COL22A1: variants seen among roughly 807,000 people sequenced by gnomAD.
The protein encoded by COL22A1 is collagen alpha-1(XXII) chain.
A neutral mutation model predicts 248.9 loss-of-function variants in COL22A1; 221 were observed. That is an observed-to-expected ratio of 0.89 (90% CI 0.80 to 0.99). The LOEUF is 0.99. Among genes scored for constraint, COL22A1 ranks in the 50% least tolerant of loss-of-function variants. The pLI is 0.00. For synonymous variants in COL22A1, 891 were observed against 793.4 expected (o/e 1.12, Z -2.07); for missense variants, 2,240 against 2,179.0 (o/e 1.03, Z -0.56).
intron 47 of COL22A1, among the ~76,000 whole-genome samples, chr8:138,643,635 TAGATAGATAGATAGAC>T (rs1821918078): frequency 1.2e-5 from 1 of 81,604 alleles, no homozygotes; most frequent in African/African-American, 4.1e-5. Flanking sequence ...GATAGATAGA[TAGATAGATAGATAGAC>T]AGATAGATAG....
chr8:138,735,493 C>A (rs924652912), intron 23 of COL22A1, among the ~76,000 whole-genome samples: 1 of 152,164 alleles, frequency 6.6e-6, no homozygotes, highest in Non-Finnish European at 1.5e-5. Flanking sequence ...AGAACGAAAT[C>A]TCTTTTCCCA....
At chr8:138,792,945 C>T (rs887602777) in intron 12 of COL22A1, among the ~76,000 whole-genome samples, 20 of 152,180 alleles carry the variant, frequency 1.3e-4, no homozygotes, top group Admixed American at 4.6e-4. Context: ...ACCTCAGTGC[C>T]GTGTTCTCCT....
At chr8:138,853,602 C>T (rs1428099914) in intron 3 of COL22A1, among the ~76,000 whole-genome samples, 3 of 152,146 alleles carry the variant, frequency 2.0e-5, no homozygotes, top group Non-Finnish European at 4.4e-5. Context: ...CTGATTGTTA[C>T]CTGGTTCACC....
intron 12 of COL22A1, among the ~76,000 whole-genome samples, chr8:138,795,230 T>TG (rs1389947548): frequency 6.6e-6 from 1 of 152,210 alleles, no homozygotes; most frequent in Non-Finnish European, 1.5e-5. Flanking sequence ...TCAAAACTGA[T>TG]GGCAGAGCCA....
intron 49 of COL22A1, among the ~76,000 whole-genome samples, chr8:138,632,657 T>C (rs1019671482): frequency 2.0e-5 from 3 of 152,208 alleles, no homozygotes; most frequent in African/African-American, 7.2e-5. Flanking sequence ...CTCAAGGAAA[T>C]TTGATATAAC....
chr8:138,852,994 GTA>G (rs138051780), intron 3 of COL22A1, among the ~76,000 whole-genome samples: 19 of 146,860 alleles, frequency 1.3e-4, no homozygotes, highest in Non-Finnish European at 1.7e-4. Context: ...AAAAAAAAAA[GTA>G]TATATATATA....
At chr8:138,648,220 G>C (rs1822379034) in intron 46 of COL22A1, among the ~76,000 whole-genome samples, 1 of 152,128 alleles carries the variant, frequency 6.6e-6, no homozygotes, top group Admixed American at 6.5e-5. Context: ...AGAGTGTATG[G>C]AGAAATTTCG....
At chr8:138,599,803 T>C (rs983029190) in intron 60 of COL22A1, among the ~76,000 whole-genome samples, 1 of 152,148 alleles carries the variant, frequency 6.6e-6, no homozygotes. Context: ...GTCACACAGG[T>C]AGTCTATAGA....
intron 37 of COL22A1, 139 bp from the exon 38 acceptor site, chr8:138,685,451 A>G: frequency 1.4e-6 from 1 of 718,268 alleles, no homozygotes; most frequent in Non-Finnish European, 2.4e-6. Context: ...TCTGGGACAC[A>G]GAAAGATGGA....
chr8:138,798,416 T>G (rs1380888817), intron 11 of COL22A1, among the ~76,000 whole-genome samples: 1 of 152,136 alleles, frequency 6.6e-6, no homozygotes, highest in East Asian at 1.9e-4. Context: ...ACTTTCATGA[T>G]ATTTTTAACT....
intron 36 of COL22A1, 71 bp downstream of exon 36, chr8:138,690,750 T>C (rs1297827345): frequency 2.4e-5 from 31 of 1,281,354 alleles, no homozygotes; most frequent in Admixed American, 1.7e-4. Context: ...CCTACGCCTC[T>C]GGCTTTTGGG....
intron 46 of COL22A1, among the ~76,000 whole-genome samples, chr8:138,649,209 A>G (rs1428405948): frequency 6.6e-6 from 1 of 152,182 alleles, no homozygotes; most frequent in Non-Finnish European, 1.5e-5. Context: ...ATGTTGACTG[A>G]CATATAAGAC....
In COL22A1 at chr8:138,591,423, C is replaced by A; in HGVS notation, c.4693+1G>T. On this transcript the variant is annotated splice_donor_variant, in intron 64 of 64. Coordinates refer to ENST00000303045, the MANE Select transcript of COL22A1 (RefSeq NM_152888.3). LOFTEE classifies it high-confidence loss of function. ...CCCTGAGACTGCAGAATGAGTCATACCTGGGATTCCAGGGGGTCCCATCTC... is the reference window on the plus strand; with the variant it reads ...CCCTGAGACTGCAGAATGAGTCATAACTGGGATTCCAGGGGGTCCCATCTC... The A allele has an allele frequency of 1.3e-6, 2 of 1,578,896 alleles. No individual in the cohort carries two copies. Among genetic ancestry groups the A allele is most frequent in the South Asian group, 1.2e-5 (1 of 84,718 alleles).
chr8:138,742,862 A>G lies in COL22A1; in HGVS notation c.2086-5285T>C, dbSNP rs181657481. Among the ~76,000 whole-genome samples the G allele has an allele frequency of 1.9e-3, 255 of 134,778 alleles. 2 individuals are homozygous for G. Among genetic ancestry groups the G allele is most frequent in the African/African-American group, 7.5e-3 (245 of 32,684 alleles). 88.4% of individuals were successfully genotyped at this position (134,778 alleles called of 152,430 possible). ...AGTGATTGTGATGGTAGAGTTGATG[A>G]TGATGGTAGTAGTGATTGTGATGGT... is the stretch of plus-strand genomic sequence containing the variant. On this transcript the variant is annotated intron_variant, in intron 22 of 64. Transcript: ENST00000303045.
At chr8:138,900,950 T>C (rs566008441) in intron 1 of COL22A1, among the ~76,000 whole-genome samples, 1 of 152,272 alleles carries the variant, frequency 6.6e-6, no homozygotes, top group South Asian at 2.1e-4. Flanking sequence ...GGGTAGGACA[T>C]TTTTTACACT....
chr8:138,854,906 GTGATGGTGATGC>G (rs1821907189), intron 3 of COL22A1, among the ~76,000 whole-genome samples: 1 of 151,102 alleles, frequency 6.6e-6, no homozygotes, highest in African/African-American at 2.4e-5. Flanking sequence ...GATGGTGGTG[GTGATGGTGATGC>G]TGATGGTGAT....
In COL22A1 at chr8:138,877,957, C is replaced by G. The variant is rs778102065; in HGVS notation, c.451G>C (p.Asp151His). 8 of 1,594,378 alleles carry G rather than the reference C, an allele frequency of 5.0e-6. No homozygotes were observed. The highest frequency in any genetic ancestry group is 6.8e-6 in the Non-Finnish European group (8 of 1,170,330). Residue 151 changes from aspartate (D) to histidine (H), a missense_variant, in exon 3 of 65, where the codon GAC (aspartate) becomes CAC (histidine). By Grantham distance (81) the Asp-to-His change is moderately conservative (BLOSUM62 -1). Transcript: ENST00000303045. Reference protein sequence around the residue: ...AYKQVAILLTDGRSQDLVLDA... With the variant: ...AYKQVAILLTHGRSQDLVLDA... ...AGCACCAGGTCCTGGCTGCGGCCGTCGGTGAGCAGGATGGCCACCTGCTTG... is the reference window on the plus strand; with the variant it reads ...AGCACCAGGTCCTGGCTGCGGCCGTGGGTGAGCAGGATGGCCACCTGCTTG...
intron 41 of COL22A1, among the ~76,000 whole-genome samples, chr8:138,666,985 C>T (rs968853084): frequency 6.6e-6 from 1 of 152,092 alleles, no homozygotes; most frequent in African/African-American, 2.4e-5. Flanking sequence ...ATCACCTTGC[C>T]TTGTGTTATC....
chr8:138,887,906 T>C (rs917186067), intron 1 of COL22A1, among the ~76,000 whole-genome samples: 4 of 152,200 alleles, frequency 2.6e-5, no homozygotes, highest in Admixed American at 6.5e-5. Flanking sequence ...TTGAGTATTA[T>C]CACTCCTTCA....
Sources: allele counts gnomAD v4.1 joint callset (sites outside exome capture counted in the v4.1 genomes callset), GRCh38; gene constraint gnomAD v4.1.1; transcripts MANE v1.5; gene names NCBI Gene and HGNC (gene_info 2026-07-23, HGNC 2026-07-21).